Variants in DCC observed in about 807,000 individuals in gnomAD.
The protein encoded by DCC is DCC netrin 1 receptor.
A neutral mutation model predicts 172.5 loss-of-function variants in DCC; 58 were observed. The ratio of observed to expected loss-of-function variants is 0.34; its 90% CI spans 0.27 to 0.42. DCC has a LOEUF of 0.42. DCC is among the 10% of genes least tolerant of loss of function. DCC has a pLI of 1.00. For missense variants in DCC, 1,740 were observed against 1,791.0 expected, an observed-to-expected ratio of 0.97 and a Z score of 0.51; for synonymous variants, 709 against 644.5, an observed-to-expected ratio of 1.10 and a Z score of -1.52.
chr18:53,347,261 C>T (rs757620502), intron 15 of DCC, among the ~76,000 whole-genome samples: 15 of 152,288 alleles, frequency 9.8e-5, no homozygotes, highest in South Asian at 2.1e-4. Flanking sequence ...CTAATTCCAA[C>T]GCTGGTCGCT....
intron 1 of DCC, among the ~76,000 whole-genome samples, chr18:52,525,872 T>C (rs2031966554): frequency 6.6e-6 from 1 of 152,190 alleles, no homozygotes; most frequent in African/African-American, 2.4e-5. Context: ...GCACCTTATT[T>C]GAGTTATGTT....
At chr18:52,794,516 T>G (rs548497282) in intron 2 of DCC, among the ~76,000 whole-genome samples, 2 of 152,228 alleles carry the variant, frequency 1.3e-5, no homozygotes, top group South Asian at 4.1e-4. Flanking sequence ...TTTACTGAAT[T>G]TATCAGTTCT....
At chr18:53,004,435 T>G (rs2041614025) in intron 5 of DCC, among the ~76,000 whole-genome samples, 1 of 152,202 alleles carries the variant, frequency 6.6e-6, no homozygotes, top group Non-Finnish European at 1.5e-5. Context: ...AGGAATTATT[T>G]ATTCAGTTTA....
chr18:52,581,988 C>A (rs1028726950), intron 1 of DCC, among the ~76,000 whole-genome samples: 4 of 152,118 alleles, frequency 2.6e-5, no homozygotes, highest in Admixed American at 2.6e-4. Flanking sequence ...GGACTTCATT[C>A]CATTATCTTC....
intron 27 of DCC, chr18:53,505,205 C>T (rs1393518940): frequency 7.8e-6 from 1 of 127,552 alleles, no homozygotes. Flanking sequence ...GAATAGCTGC[C>T]ATCTGCCTTT....
chr18:53,424,805 A>G (rs1471414188), intron 21 of DCC, among the ~76,000 whole-genome samples: 1 of 152,160 alleles, frequency 6.6e-6, no homozygotes, highest in Non-Finnish European at 1.5e-5. Flanking sequence ...GCAGAGTAGT[A>G]CCTTATGGCA....
At chr18:52,537,458 C>T (rs533422532) in intron 1 of DCC, among the ~76,000 whole-genome samples, 3 of 152,116 alleles carry the variant, frequency 2.0e-5, no homozygotes, top group African/African-American at 4.8e-5. Flanking sequence ...GTAAACACAG[C>T]GCCTGTTGAG....
chr18:53,145,889 A>G (rs2043905194), intron 7 of DCC, among the ~76,000 whole-genome samples: 1 of 152,176 alleles, frequency 6.6e-6, no homozygotes, highest in South Asian at 2.1e-4. Flanking sequence ...AAGGTATTTA[A>G]CCAGCTGATA....
chr18:53,309,093 C>G (rs1041122579), intron 13 of DCC, among the ~76,000 whole-genome samples: 1 of 151,912 alleles, frequency 6.6e-6, no homozygotes, highest in East Asian at 1.9e-4. Context: ...GCTGGAGTAC[C>G]GTGGCATGAT....
At chr18:52,927,087 ACGTATATACGTG>A (rs1568191961) in intron 5 of DCC, among the ~76,000 whole-genome samples, 3 of 93,706 alleles carry the variant, frequency 3.2e-5, no homozygotes, top group African/African-American at 1.2e-4. Flanking sequence ...GTGTATATAC[ACGTATATACGTG>A]TATATACACG....
intron 6 of DCC, chr18:53,063,674 A>T: frequency 3.9e-6 from 2 of 518,012 alleles, no homozygotes; most frequent in Non-Finnish European, 6.9e-6. Flanking sequence ...GGTTTTACAG[A>T]CAAGACTTTA....
chr18:52,411,743 A>C (rs1437108157), intron 1 of DCC, among the ~76,000 whole-genome samples: 2 of 152,152 alleles, frequency 1.3e-5, no homozygotes, highest in African/African-American at 4.8e-5. Flanking sequence ...TCTGGGCACA[A>C]ATGTCTCTGT....
chr18:52,729,509 C>T (rs761680397), intron 1 of DCC, among the ~76,000 whole-genome samples: 8 of 152,164 alleles, frequency 5.3e-5, no homozygotes, highest in Non-Finnish European at 1.5e-5. Context: ...ATCTACCTGC[C>T]TTGGCCTCCC....
chr18:52,504,552 G>C (rs1010953626), intron 1 of DCC, among the ~76,000 whole-genome samples: 33 of 152,274 alleles, frequency 2.2e-4, no homozygotes, highest in African/African-American at 7.7e-4. Context: ...TTTCCTTAGA[G>C]TCATATTGGC....
chr18:52,730,620 A>G (rs1486967640), intron 1 of DCC, among the ~76,000 whole-genome samples: 5 of 152,198 alleles, frequency 3.3e-5, no homozygotes, highest in South Asian at 4.1e-4. Context: ...ACACTCAATC[A>G]GAGCTGATGC....
chr18:52,777,705 A>G (rs2037459263), intron 2 of DCC, among the ~76,000 whole-genome samples: 2 of 152,170 alleles, frequency 1.3e-5, no homozygotes, highest in Admixed American at 6.5e-5. Flanking sequence ...ATACCTGTGC[A>G]GCTGACCTAA....
chr18:52,757,808 T>C (rs1249520713), intron 2 of DCC, among the ~76,000 whole-genome samples: 1 of 152,170 alleles, frequency 6.6e-6, no homozygotes, highest in Non-Finnish European at 1.5e-5. Context: ...GTGATTTAAG[T>C]ACCCAAATTG....
intron 5 of DCC, among the ~76,000 whole-genome samples, chr18:53,058,726 T>A (rs1032721757): frequency 6.6e-6 from 1 of 152,196 alleles, no homozygotes; most frequent in African/African-American, 2.4e-5. Context: ...GTTAGCCTGA[T>A]AGAGCCACTT....
chr18:52,427,994 G>T (rs1402263534), intron 1 of DCC, among the ~76,000 whole-genome samples: 2 of 151,912 alleles, frequency 1.3e-5, no homozygotes, highest in Admixed American at 1.3e-4. Flanking sequence ...ACAAAGTCAC[G>T]TCTCTAGGAC....
Sources: gnomAD v4.1 joint callset for allele counts (sites outside exome capture counted in the v4.1 genomes callset) on GRCh38, gnomAD v4.1.1 for gene constraint, MANE v1.5 for transcripts, NCBI Gene and HGNC (gene_info 2026-07-23, HGNC 2026-07-21) for gene names.